Variants in LMO2 observed in about 807,000 individuals in gnomAD.
LMO2 encodes the protein LIM domain only 2, also known as rhombotin-2.
Under a neutral mutation model 23.2 loss-of-function variants are expected in LMO2, and 20 were observed. The observed-to-expected ratio is 0.86, with a 90% CI of 0.61 to 1.25. LMO2 has a LOEUF of 1.25. Ranked by LOEUF, LMO2 falls within the 50% of genes most tolerant of loss-of-function variation. The pLI is 0.00. For missense variants in LMO2, 270 were observed against 315.3 expected (o/e 0.86, Z 1.09); for synonymous variants, 123 against 130.2 (o/e 0.94, Z 0.38).
intron 1 of LMO2, among the ~76,000 whole-genome samples, chr11:33,882,103 T>C (rs1451697603): frequency 2.6e-5 from 4 of 152,098 alleles, no homozygotes; most frequent in African/African-American, 9.7e-5. Flanking sequence ...GGCGCAGGGA[T>C]GGATTCTAAC....
intron 5 of LMO2, among the ~76,000 whole-genome samples, chr11:33,863,251 A>C (rs2133688463): frequency 6.6e-6 from 1 of 152,354 alleles, no homozygotes; most frequent in Middle Eastern, 3.4e-3. Flanking sequence ...AAACTGACCA[A>C]AATTATAAGC....
intron 5 of LMO2, among the ~76,000 whole-genome samples, chr11:33,860,608 A>G (rs1054720374): frequency 2.0e-5 from 3 of 152,130 alleles, no homozygotes; most frequent in African/African-American, 7.2e-5. Context: ...TACAAAAAAT[A>G]CAAAAATTAG....
At chr11:33,888,137 G>A (rs1030109154) in intron 1 of LMO2, among the ~76,000 whole-genome samples, 12 of 152,290 alleles carry the variant, frequency 7.9e-5, no homozygotes, top group African/African-American at 2.6e-4. Flanking sequence ...GCAGCTGCAG[G>A]GCCATTGATA....
rs1477709019 is a variant in LMO2, at chr11:33,858,755, T to A, written c.*601A>T. ...GAAGGTGTCTAAAAACAGTGATTCA[T>A]CAGCATTGCTTTAAATAATTGTTTG... On this transcript the variant is annotated 3_prime_UTR_variant, in exon 6 of 6. Transcript: ENST00000257818. 4 of 214,206 alleles carry A rather than the reference T, an allele frequency of 1.9e-5. No individual in the cohort carries two copies. The Admixed American group carries it at 2.3e-4, about 12-fold the overall frequency. The allele number at this position is 214,206 out of a possible 1,614,324, so 13.3% of individuals were successfully genotyped here.
chr11:33,886,827 G>T (rs1292355957), intron 1 of LMO2, among the ~76,000 whole-genome samples: 1 of 152,192 alleles, frequency 6.6e-6, no homozygotes, highest in Non-Finnish European at 1.5e-5. Context: ...TCTATCCCCT[G>T]TGGAACAAGC....
rs572057287 is a variant in LMO2, at chr11:33,869,838, C to T, written c.-122G>A. 112 of 1,067,718 alleles carry T rather than the reference C, an allele frequency of 1.0e-4. No homozygotes were observed. In the African/African-American group the frequency reaches 1.8e-3, roughly 17 times the overall value. 66.1% of individuals were successfully genotyped at this position (1,067,718 alleles called of 1,614,324 possible). ...AGCCCCTCGCACCTTCGGCCCGGGT[C>T]GCGGCGCGCTGCTCGCCGCCGAGGG... is the stretch of plus-strand genomic sequence containing the variant. On this transcript the variant is annotated 5_prime_UTR_variant, in exon 3 of 6. Transcript: ENST00000257818.
At chr11:33,867,804 AAT>A (rs1310748380) in intron 4 of LMO2, among the ~76,000 whole-genome samples, 30 of 152,216 alleles carry the variant, frequency 2.0e-4, no homozygotes, top group African/African-American at 7.0e-4. Flanking sequence ...CCTTCAGGGA[AAT>A]GAAACCTTCA....
intron 2 of LMO2, among the ~76,000 whole-genome samples, chr11:33,878,887 G>A (rs1451515599): frequency 6.6e-6 from 1 of 152,156 alleles, no homozygotes; most frequent in African/African-American, 2.4e-5. Context: ...AGCTCCCAGG[G>A]TACTGATATA....
chr11:33,869,354 G>C lies in LMO2; in HGVS notation c.240C>G (p.Asp80Glu). Residue 80 changes from aspartate (D) to glutamate (E), a missense_variant, in exon 4 of 6, where the codon GAC becomes GAG. Physicochemically the swap from Asp to Glu is conservative, Grantham distance 45. Transcript: ENST00000257818. ...AGGGGGGCCGCACTTACTCTGAAGG[G>C]TCCAGGCTCTTCCTTTCGATGGCCG... ...MSSAIERKSLDPSEEPVDEVL... is the reference protein window; with the variant it reads ...MSSAIERKSLEPSEEPVDEVL... 2 of 1,207,166 alleles carry C rather than the reference G, an allele frequency of 1.7e-6. No individual in the cohort carries two copies. The highest frequency in any genetic ancestry group is 2.1e-6 in the Non-Finnish European group (2 of 963,354). 74.8% of individuals were successfully genotyped at this position (1,207,166 alleles called of 1,614,324 possible).
chr11:33,880,908 T>C lies in LMO2; in HGVS notation c.-272+916A>G. On this transcript the variant is annotated intron_variant, in intron 2 of 5. Transcript: ENST00000257818. The surrounding 1 kb of genome is among the most constrained non-coding windows in gnomAD (Gnocchi z 4.3). ...GCAATCCCTGCCCACTTAGGACTTT[T>C]CGAATAGTGCTCATCCCTGACTTCT... 3.2e-6 allele frequency: 1 copy of C among 312,568 alleles called. No homozygotes were observed. The highest frequency in any genetic ancestry group is 6.3e-6 in the Non-Finnish European group (1 of 158,908). 19.4% of individuals were successfully genotyped at this position (312,568 alleles called of 1,614,324 possible).
In LMO2 at chr11:33,858,830, T is replaced by C. The variant is rs1001356119; in HGVS notation, c.*526A>G. 7 of 228,820 alleles carry C rather than the reference T, an allele frequency of 3.1e-5. No homozygotes were observed. The highest frequency in any genetic ancestry group is 5.6e-5 in the Admixed American group (1 of 17,782). 14.2% of individuals were successfully genotyped at this position (228,820 alleles called of 1,614,324 possible). ...CAACCGAAATGCGTCTCCATGCAGT[T>C]TTCCTTGGGTCCAAAGCTTAAGGCC... On this transcript the variant is annotated 3_prime_UTR_variant, in exon 6 of 6. Transcript: ENST00000257818.
At chr11:33,887,732 G>C (rs1857448062) in intron 1 of LMO2, among the ~76,000 whole-genome samples, 1 of 151,952 alleles carries the variant, frequency 6.6e-6, no homozygotes, top group Non-Finnish European at 1.5e-5. Context: ...TTTGTTTTTT[G>C]TTTGTTTGTT....
chr11:33,871,745 C>G (rs540871352), intron 2 of LMO2, among the ~76,000 whole-genome samples: 41 of 152,110 alleles, frequency 2.7e-4, no homozygotes, highest in South Asian at 1.5e-3. Context: ...TTGTGATGAA[C>G]AGTTTACCTA....
At chr11:33,882,214 C>G (rs747638377) in intron 1 of LMO2, among the ~76,000 whole-genome samples, 2 of 152,124 alleles carry the variant, frequency 1.3e-5, no homozygotes, top group African/African-American at 2.4e-5. Flanking sequence ...AAGGAGTTGT[C>G]CCTTTTCCAA....
intron 1 of LMO2, among the ~76,000 whole-genome samples, chr11:33,890,437 C>T (rs569979820): frequency 2.6e-5 from 4 of 152,214 alleles, no homozygotes; most frequent in South Asian, 2.1e-4. Context: ...CTGCAACCTC[C>T]GCCTCCCGGG....
rs551638338 is a variant in LMO2, at chr11:33,861,236, T to C, written c.465-1661A>G. ...AAACATAGCATGTTAGCAGGTGGTT[T>C]CTACATAAAACCTTTAGGACAGTTT... On this transcript the variant is annotated intron_variant, in intron 5 of 5. Transcript: ENST00000257818. Among the ~76,000 whole-genome samples, 12 of 152,386 alleles carry C rather than the reference T, an allele frequency of 7.9e-5. 1 individual carries two copies. The highest frequency in any genetic ancestry group is 2.4e-4 in the African/African-American group (10 of 41,592).
intron 4 of LMO2, among the ~76,000 whole-genome samples, chr11:33,869,085 G>A (rs1409296992): frequency 6.6e-6 from 1 of 152,226 alleles, no homozygotes; most frequent in Non-Finnish European, 1.5e-5. Context: ...TGGTGGCTTT[G>A]GGGAGCGTCC....
Position 33,887,740 on chromosome 11 carries a change from GT to G in LMO2, c.-336+4054del, listed in dbSNP as rs1313349024. Among the ~76,000 whole-genome samples the G allele has an allele frequency of 2.6e-5, 4 of 151,914 alleles. No individual in the cohort carries two copies. In the East Asian group the frequency reaches 5.8e-4, roughly 22 times the overall value. Reference sequence around the variant, plus strand: ...CTTTTGTTTTGTTTTTTGTTTGTTTGTTTGTTTGCTTTTTGTAGAGATGGGG... The same window carrying G: ...CTTTTGTTTTGTTTTTTGTTTGTTTGTTGTTTGCTTTTTGTAGAGATGGGG... On this transcript the variant is annotated intron_variant, in intron 1 of 5. Coordinates refer to ENST00000257818, the MANE Select transcript of LMO2 (RefSeq NM_005574.4).
Position 33,864,285 on chromosome 11 carries a change from T to C in LMO2, c.464+317A>G, listed in dbSNP as rs75496438. Among the ~76,000 whole-genome samples, 3,757 of 152,282 alleles carry C rather than the reference T, an allele frequency of 0.025. 90 individuals are homozygous for C. Among genetic ancestry groups the C allele is most frequent in the Non-Finnish European group, 0.037 (2,527 of 68,032 alleles). The stretch of plus-strand genomic sequence containing the variant: ...TCTGATCCTCCGTGTGTACTCCTCC[T>C]CAATCCCATCCCCTAGCTTCTCCCG... On this transcript the variant is annotated intron_variant, in intron 5 of 5. Coordinates refer to ENST00000257818, the MANE Select transcript of LMO2 (RefSeq NM_005574.4). The surrounding 1 kb of genome is among the most constrained non-coding windows in gnomAD (Gnocchi z 4.8).
Sources: allele counts gnomAD v4.1 joint callset (sites outside exome capture counted in the v4.1 genomes callset), GRCh38; gene constraint gnomAD v4.1.1; non-coding constraint Gnocchi (gnomAD v3.1); transcripts MANE v1.5; gene names NCBI Gene and HGNC (gene_info 2026-07-23, HGNC 2026-07-21).